BRCA1: variants seen among roughly 807,000 people sequenced by gnomAD.
BRCA1 encodes breast cancer type 1 susceptibility protein.
Under a neutral mutation model 173.7 loss-of-function variants are expected in BRCA1, and 140 were observed. That is an observed-to-expected ratio of 0.81 (90% CI 0.70 to 0.93). The LOEUF (loss-of-function observed/expected upper bound fraction) is 0.93, where lower values mean the gene tolerates loss of function less well. Among genes scored for constraint, BRCA1 ranks in the 40% least tolerant of loss-of-function variants. The probability of loss-of-function intolerance (pLI) is 0.00; values close to 1 mark genes in which losing one functional copy is unlikely to be tolerated. For missense variants in BRCA1, 1,983 were observed against 2,172.5 expected (o/e 0.91, Z 1.73); for synonymous variants, 662 against 756.0 (o/e 0.88, Z 2.04).
In BRCA1 at chr17:43,121,232, G is replaced by A. The variant is rs550533612; in HGVS notation, c.80+2785C>T. ...CTACTAAAAATACAAAAAATTAGCC[G>A]GGCATAGTGGTGGGCGCCTGTAGTC... is the stretch of plus-strand genomic sequence containing the variant. On this transcript the variant is annotated intron_variant, in intron 2 of 22. Transcript: ENST00000357654. Among the ~76,000 whole-genome samples the A allele has an allele frequency of 7.3e-5, 11 of 151,634 alleles. No individual in the cohort carries two copies. In the East Asian group the frequency reaches 1.4e-3, roughly 19 times the overall value.
At chr17:43,145,233 G>A in intron 1 of BRCA1, 1 of 697,030 alleles carries the variant, frequency 1.4e-6, no homozygotes, top group Non-Finnish European at 2.7e-6. Flanking sequence ...GATGAAGCAG[G>A]AGATAAAGAA....
rs1369931246 is a variant in BRCA1, at chr17:43,121,631, C to T, written c.80+2386G>A. Among the ~76,000 whole-genome samples the T allele has an allele frequency of 7.1e-5, 9 of 127,208 alleles. No homozygotes were observed. In the Admixed American group the frequency reaches 8.0e-4, roughly 11 times the overall value. The allele number at this position is 127,208 out of a possible 152,430, so 83.5% of individuals were successfully genotyped here. ...CCGGGAGGTGGAGGTTGTAGTGAGC[C>T]GAGATTGTGCCACTGCACTCCAGCC... On this transcript the variant is annotated intron_variant, in intron 2 of 22. Coordinates refer to ENST00000357654, the MANE Select transcript of BRCA1 (RefSeq NM_007294.4).
chr17:43,127,325 ACT>A (rs2055915275), upstream of BRCA1, among the ~76,000 whole-genome samples: 2 of 152,254 alleles, frequency 1.3e-5, no homozygotes, highest in East Asian at 1.9e-4. Context: ...ACCAGTCAGC[ACT>A]CTGTGTCTAG....
At chr17:43,130,547 C>T (rs1029339569) in intron 1 of BRCA1, among the ~76,000 whole-genome samples, 2 of 152,204 alleles carry the variant, frequency 1.3e-5, no homozygotes, top group African/African-American at 4.8e-5. Flanking sequence ...CTCCTGGACT[C>T]AAGCGATCTG....
At chr17:43,125,107 A>C (rs2154579681) in intron 1 of BRCA1, 164 bp downstream of exon 1, 3 of 438,010 alleles carry the variant, frequency 6.8e-6, no homozygotes, top group Non-Finnish European at 1.4e-5. Context: ...CGCGACCTAC[A>C]AACTGCCCCC....
intron 1 of BRCA1, chr17:43,164,214 A>T (rs1486845030): frequency 6.6e-6 from 1 of 152,242 alleles, no homozygotes; most frequent in Non-Finnish European, 1.5e-5. Flanking sequence ...TTAGGAAATT[A>T]CAAAAACTGG....
At chr17:43,139,426 G>C (rs994184141) in intron 1 of BRCA1, among the ~76,000 whole-genome samples, 8 of 151,026 alleles carry the variant, frequency 5.3e-5, no homozygotes, top group African/African-American at 2.0e-4. Flanking sequence ...GCACGATCTC[G>C]GCTCACTGCA....
At position 43,082,434 on chromosome 17, in the gene BRCA1, G is replaced by C. The variant is rs41293455; in HGVS notation, c.4327C>G (p.Arg1443Gly). The change falls in exon 12 of 23, where the codon CGA becomes GGA. Residue 1443 changes from arginine to glycine, a missense_variant. Transcript: ENST00000357654. ...TCTGATGTGCTTTGTTCTGGATTTC[G>C]CAGGTCCTCAAGGGCAGAAGAGTCA... ...ISDSSALEDLRNPEQSTSEKA... is the reference protein window; with the variant it reads ...ISDSSALEDLGNPEQSTSEKA... 65 of 1,613,954 alleles carry C rather than the reference G, an allele frequency of 4.0e-5. No individual in the cohort carries two copies. Among genetic ancestry groups the C allele is most frequent in the Admixed American group, 8.3e-5 (5 of 59,986 alleles).
At position 43,125,295 on chromosome 17, in the gene BRCA1, G is replaced by A. The variant is rs1262271602; in HGVS notation, c.-44C>T. The A allele has an allele frequency of 2.2e-6, 1 of 456,118 alleles. No homozygotes were observed. Among genetic ancestry groups the A allele is most frequent in the African/African-American group, 2.0e-5 (1 of 50,060 alleles). 28.3% of individuals were successfully genotyped at this position (456,118 alleles called of 1,614,324 possible). A position where few individuals can be genotyped will look rare whatever the true frequency, so the allele number is the denominator to read the frequency against. On this transcript the variant is annotated 5_prime_UTR_variant, in exon 1 of 23. Transcript: ENST00000357654. ...CCTTTACCCAGAGCAGAGGGTGAAG[G>A]CCTCCTGAGCGCAGGGGCCCAGTTA...
intron 2 of BRCA1, among the ~76,000 whole-genome samples, chr17:43,122,982 G>A (rs1478972006): frequency 1.3e-5 from 2 of 151,698 alleles, no homozygotes; most frequent in African/African-American, 2.4e-5. Flanking sequence ...GCATGAACCC[G>A]GGAGGCAGAG....
rs1411246255 is a variant in BRCA1, at chr17:43,051,064, T to G, written c.5331A>C (p.Thr1777=). 1 of 1,613,906 alleles carries G rather than the reference T, an allele frequency of 6.2e-7. No individual in the cohort carries two copies. The highest frequency in any genetic ancestry group is 8.5e-7 in the Non-Finnish European group (1 of 1,179,818). Residue 1777 remains threonine (T), a splice_region_variant and synonymous_variant, in exon 20 of 23, where the codon ACA becomes ACC. Transcript: ENST00000357654. ...TCTGGGGTTCTCCCAGGCTCTTACC[T>G]GTGGGCATGTTGGTGAAGGGCCCAT... The part of the protein sequence containing the change: ...CCYGPFTNMP[T]DQLEWMVQLC...
In BRCA1 at chr17:43,145,332, T is replaced by TC. The variant is rs201539465; in HGVS notation, c.-19-21218_-19-21217insG. On this transcript the variant is annotated intron_variant, in intron 1 of 7. Transcript: ENST00000634433. Reference sequence around the variant, plus strand: ...TTCAGAGGAATTTTTTTTCTTTCTTTTTTTTTTTTTTTGAGACAGAGTCTC... The same window carrying TC: ...TTCAGAGGAATTTTTTTTCTTTCTTTCTTTTTTTTTTTTGAGACAGAGTCTC... 428 of 428,892 alleles carry TC rather than the reference T, an allele frequency of 1.0e-3. 12 individuals are homozygous for TC. Among genetic ancestry groups the TC allele is most frequent in the Middle Eastern group, 1.9e-3 (4 of 2,120 alleles). 26.6% of individuals were successfully genotyped at this position (428,892 alleles called of 1,614,324 possible).
chr17:43,094,989 C>A, intron 9 of BRCA1, 129 bp from the exon 10 acceptor site: 2 of 758,772 alleles, frequency 2.6e-6, no homozygotes, highest in South Asian at 1.7e-5. Context: ...CATAAACTAC[C>A]AAGTATACTG....
intron 6 of BRCA1, among the ~76,000 whole-genome samples, chr17:43,103,863 T>C (rs547196117): frequency 8.6e-5 from 13 of 151,880 alleles, no homozygotes; most frequent in Admixed American, 3.9e-4. Flanking sequence ...TCCCAGCAAT[T>C]TGGGGAGCCG....
chr17:43,072,615 A>G (rs1278131956), intron 14 of BRCA1, among the ~76,000 whole-genome samples: 1 of 148,056 alleles, frequency 6.8e-6, no homozygotes, highest in Non-Finnish European at 1.5e-5. Flanking sequence ...CCCAGGCTAG[A>G]GTGCAATGGC....
intron 12 of BRCA1, among the ~76,000 whole-genome samples, chr17:43,079,122 C>T (rs1399256342): frequency 1.3e-5 from 2 of 151,900 alleles, no homozygotes; most frequent in East Asian, 3.8e-4. Flanking sequence ...TGTAATGAGC[C>T]GAAATCACAC....
At chr17:43,070,000 C>A (rs1447443688) in intron 15 of BRCA1, among the ~76,000 whole-genome samples, 1 of 152,188 alleles carries the variant, frequency 6.6e-6, no homozygotes, top group Non-Finnish European at 1.5e-5. Context: ...ATGGTGCAAT[C>A]TCGGCTCACC....
chr17:43,121,954 G>A (rs1361821725), intron 2 of BRCA1, among the ~76,000 whole-genome samples: 1 of 152,108 alleles, frequency 6.6e-6, no homozygotes, highest in African/African-American at 2.4e-5. Flanking sequence ...ATCACTGATT[G>A]TCATGAGTAA....
chr17:43,094,298 A>C lies in BRCA1; in HGVS notation c.1233T>G (p.Asp411Glu), dbSNP rs80357024. Reference sequence around the variant, plus strand: ...CTACCTCATTTAGAACGTCCAATACATCAGCTACTTTGGCATTTGATTCAG... The same window carrying C: ...CTACCTCATTTAGAACGTCCAATACCTCAGCTACTTTGGCATTTGATTCAG... ...GESESNAKVA[D>E]VLDVLNEVDE... The change falls in exon 10 of 23, where the codon GAT (aspartate) becomes GAG (glutamate). Residue 411 changes from aspartate (D) to glutamate (E), a missense_variant. Coordinates refer to ENST00000357654, the MANE Select transcript of BRCA1 (RefSeq NM_007294.4). 41 of 1,614,214 alleles carry C rather than the reference A, an allele frequency of 2.5e-5. No individual in the cohort carries two copies. In the African/African-American group the frequency reaches 4.0e-4, roughly 16 times the overall value.
Sources: gnomAD v4.1 joint callset for allele counts (sites outside exome capture counted in the v4.1 genomes callset) on GRCh38, gnomAD v4.1.1 for gene constraint, MANE v1.5 for transcripts, NCBI Gene and HGNC (gene_info 2026-07-23, HGNC 2026-07-21) for gene names.